Variants in ARHGAP29 observed in about 807,000 individuals in gnomAD.
The protein encoded by ARHGAP29 is rho GTPase-activating protein 29.
ARHGAP29 carries 43 observed loss-of-function variants against 122.6 expected under a neutral mutation model. The observed-to-expected ratio is 0.35, with a 90% CI of 0.27 to 0.45. The LOEUF (loss-of-function observed/expected upper bound fraction) is 0.45. Ranked by LOEUF, ARHGAP29 falls within the 20% of genes least tolerant of loss-of-function variation. The pLI, the probability that ARHGAP29 is intolerant of heterozygous loss-of-function variation, is 1.00. For synonymous variants in ARHGAP29, 506 were observed against 497.1 expected, an observed-to-expected ratio of 1.02 and a Z score of -0.24; for missense variants, 1,303 against 1,477.2, an observed-to-expected ratio of 0.88 and a Z score of 1.93.
In ARHGAP29 at chr1:94,188,020, A is replaced by G. The variant is rs1285179573; in HGVS notation, c.1681+817T>C. On this transcript the variant is annotated intron_variant, in intron 15 of 22. Transcript: ENST00000260526. ...GGCCTTGGAATCTGAGATGGCTTAA[A>G]TCCTGTAATCTATTAAGATCCTAGA... 2.6e-5 allele frequency among the ~76,000 whole-genome samples: 4 copies of G among 152,308 alleles called. No homozygotes were observed. In the East Asian group the frequency reaches 7.7e-4, roughly 29 times the overall value.
chr1:94,281,955 T>C, the ARHGAP29 span, among the ~76,000 whole-genome samples: 1 of 152,150 alleles, frequency 6.6e-6, no homozygotes, highest in Admixed American at 6.5e-5. Context: ...CACGGCATGC[T>C]GTAGGTGTGA....
At chr1:94,303,112 C>T in the ARHGAP29 span, 7 of 154,066 alleles carry the variant, frequency 4.5e-5, no homozygotes, top group East Asian at 1.3e-3. Flanking sequence ...CACAGTCCTC[C>T]ACCACACTGA....
chr1:94,238,067 T>A (rs1181161031), upstream of ARHGAP29, among the ~76,000 whole-genome samples: 14 of 141,190 alleles, frequency 9.9e-5, no homozygotes, highest in African/African-American at 3.7e-4. Context: ...TTTTTTTTTT[T>A]TTTTTTTTTT....
At chr1:94,195,887 G>A (rs1650419980) in intron 12 of ARHGAP29, 1 of 151,900 alleles carries the variant, frequency 6.6e-6, no homozygotes, top group Non-Finnish European at 1.5e-5. Context: ...AAAAGCAAGG[G>A]AATTTATCAG....
At chr1:94,175,926 A>T (rs1344034627) in intron 22 of ARHGAP29, among the ~76,000 whole-genome samples, 1 of 152,016 alleles carries the variant, frequency 6.6e-6, no homozygotes, top group African/African-American at 2.4e-5. Context: ...GCTGGTCCTG[A>T]ACTCCTGGCT....
At chr1:94,307,951 T>C in the ARHGAP29 span, among the ~76,000 whole-genome samples, 2 of 152,198 alleles carry the variant, frequency 1.3e-5, no homozygotes, top group Non-Finnish European at 2.9e-5. Flanking sequence ...GCACTGATGC[T>C]CCTTCTTTTT....
the ARHGAP29 span, among the ~76,000 whole-genome samples, chr1:94,295,075 G>A: frequency 6.6e-6 from 1 of 152,176 alleles, no homozygotes; most frequent in Non-Finnish European, 1.5e-5. Context: ...CAAGAAGAAG[G>A]TTTGAAATTG....
At chr1:94,269,243 A>G (rs1654899821) in intron 1 of ARHGAP29, among the ~76,000 whole-genome samples, 1 of 152,168 alleles carries the variant, frequency 6.6e-6, no homozygotes, top group Non-Finnish European at 1.5e-5. Context: ...TTCACGTCCC[A>G]TTATTTGTCA....
At chr1:94,311,555 T>A in the ARHGAP29 span, among the ~76,000 whole-genome samples, 32 of 152,130 alleles carry the variant, frequency 2.1e-4, no homozygotes, top group African/African-American at 7.2e-4. Context: ...AAAAATGGGG[T>A]CTGGAGTTTG....
At chr1:94,189,136 G>C in intron 14 of ARHGAP29, 80 bp downstream of exon 14, 1 of 1,498,644 alleles carries the variant, frequency 6.7e-7, no homozygotes, top group Non-Finnish European at 9.0e-7. Context: ...TTAAATTCCA[G>C]AGCACCAATT....
chr1:94,247,899 G>T, intron 1 of ARHGAP29: 1 of 157,332 alleles, frequency 6.4e-6, no homozygotes, highest in Non-Finnish European at 1.3e-5. Flanking sequence ...CGCCCGGCCT[G>T]AAGTTGTCCC....
chr1:94,263,457 G>C (rs1341725850), intron 1 of ARHGAP29, among the ~76,000 whole-genome samples: 2 of 151,882 alleles, frequency 1.3e-5, no homozygotes, highest in Admixed American at 6.6e-5. Context: ...AAAATGCAGT[G>C]CTCTAACAAT....
intron 12 of ARHGAP29, among the ~76,000 whole-genome samples, chr1:94,200,688 T>A (rs1187125006): frequency 6.6e-6 from 1 of 152,210 alleles, no homozygotes; most frequent in Non-Finnish European, 1.5e-5. Flanking sequence ...AGTCATACAA[T>A]GGAATTCTGC....
Position 94,253,636 on chromosome 1 carries a change from A to G in ARHGAP29, c.-33+21376T>C, listed in dbSNP as rs369034194. On this transcript the variant is annotated intron_variant and NMD_transcript_variant, in intron 1 of 25. Coordinates refer to the ARHGAP29 transcript ENST00000552844. ...AGTTGTCCGCAGGCATCTGGAACAC[A>G]CACGCACGCACGCACGCACGCACGC... 8.0e-4 allele frequency among the ~76,000 whole-genome samples: 120 copies of G among 149,348 alleles called. 1 individual carries two copies. Among genetic ancestry groups the G allele is most frequent in the South Asian group, 1.3e-3 (6 of 4,632 alleles).
chr1:94,307,314 CTG>C, the ARHGAP29 span, among the ~76,000 whole-genome samples: 4 of 152,210 alleles, frequency 2.6e-5, no homozygotes, highest in Admixed American at 1.3e-4. Context: ...CTCTCCACAA[CTG>C]TTTCATATTG....
At chr1:94,279,714 T>C (rs1288015741), upstream of ARHGAP29, among the ~76,000 whole-genome samples, 2 of 152,308 alleles carry the variant, frequency 1.3e-5, no homozygotes, top group East Asian at 3.9e-4. Context: ...AATTTCTGTG[T>C]TTATCCTTGG....
chr1:94,214,986 A>T (rs1007626533), intron 3 of ARHGAP29, among the ~76,000 whole-genome samples: 1 of 151,596 alleles, frequency 6.6e-6, no homozygotes, highest in Admixed American at 6.6e-5. Context: ...TTTCTTTTCT[A>T]TTCTCTTTCA....
At chr1:94,276,840 G>T (rs558113666), upstream of ARHGAP29, among the ~76,000 whole-genome samples, 9 of 141,664 alleles carry the variant, frequency 6.4e-5, no homozygotes, top group Admixed American at 5.0e-4. Context: ...ATTCACTGTA[G>T]TTCCTATTAC....
At chr1:94,261,901 A>G (rs1654571633) in intron 1 of ARHGAP29, among the ~76,000 whole-genome samples, 1 of 152,228 alleles carries the variant, frequency 6.6e-6, no homozygotes, top group African/African-American at 2.4e-5. Context: ...AGAAAAAGCT[A>G]TTTTAAACTT....
Sources: gnomAD v4.1 joint callset for allele counts (sites outside exome capture counted in the v4.1 genomes callset) on GRCh38, gnomAD v4.1.1 for gene constraint, MANE v1.5 for transcripts, NCBI Gene and HGNC (gene_info 2026-07-23, HGNC 2026-07-21) for gene names.